RAPGEF2: variants seen among roughly 807,000 people sequenced by gnomAD.
RAPGEF2 encodes Rap guanine nucleotide exchange factor 2, also known as PDZ domain containing guanine nucleotide exchange factor (GEF) 1.
RAPGEF2 carries 54 observed loss-of-function variants against 186.7 expected under a neutral mutation model. The ratio of observed to expected loss-of-function variants is 0.29; its 90% CI spans 0.23 to 0.36. The LOEUF is 0.36. Ranked by LOEUF, RAPGEF2 falls within the 10% of genes least tolerant of loss-of-function variation. The pLI, the probability that RAPGEF2 is intolerant of heterozygous loss-of-function variation, is 1.00. For missense variants in RAPGEF2, 1,532 were observed against 2,045.0 expected (o/e 0.75, Z 4.84); for synonymous variants, 712 against 705.9 (o/e 1.01, Z -0.14).
rs1766822331 is a variant in RAPGEF2, at chr4:159,332,446, T to C, written c.1889-5T>C. ...ACGTGGTGTTTCTGTTTTCATTTAT[T>C]TTAGTATTTAAAGAACTTCTAACAA... On this transcript the variant is annotated splice_region_variant and splice_polypyrimidine_tract_variant and intron_variant, in intron 16 of 29. Transcript: ENST00000691494. The C allele has an allele frequency of 6.2e-7, 1 of 1,607,254 alleles. No homozygotes were observed. The highest frequency in any genetic ancestry group is 2.2e-5 in the East Asian group (1 of 44,820).
intron 1 of RAPGEF2, among the ~76,000 whole-genome samples, chr4:159,132,085 A>T (rs1447049249): frequency 6.6e-6 from 1 of 152,182 alleles, no homozygotes; most frequent in Non-Finnish European, 1.5e-5. Flanking sequence ...TCTTAGCTTG[A>T]GGGTGAACTT....
At chr4:159,316,260 A>G (rs964268552) in intron 9 of RAPGEF2, among the ~76,000 whole-genome samples, 2 of 152,158 alleles carry the variant, frequency 1.3e-5, no homozygotes, top group Non-Finnish European at 2.9e-5. Flanking sequence ...GATTATTATA[A>G]TATTGGAATA....
At chr4:159,295,767 G>A (rs771386957) in intron 7 of RAPGEF2, among the ~76,000 whole-genome samples, 94 of 150,022 alleles carry the variant, frequency 6.3e-4, no homozygotes, top group Non-Finnish European at 3.0e-4. Context: ...GCGCGCGCGC[G>A]CGCGCGCATG....
intron 7 of RAPGEF2, among the ~76,000 whole-genome samples, chr4:159,280,382 A>G (rs993850023): frequency 2.6e-5 from 4 of 152,196 alleles, no homozygotes; most frequent in Admixed American, 1.3e-4. Context: ...CCTAGCCACA[A>G]CGGAGCACCC....
At chr4:159,125,197 A>G (rs910616894) in intron 1 of RAPGEF2, among the ~76,000 whole-genome samples, 1 of 152,232 alleles carries the variant, frequency 6.6e-6, no homozygotes, top group Non-Finnish European at 1.5e-5. Flanking sequence ...GCTTTGCTCA[A>G]TAAATCTGCA....
intron 1 of RAPGEF2, among the ~76,000 whole-genome samples, chr4:159,104,549 AGAGAGTGTGTGTGTGTGT>A (rs1330966652): frequency 5.3e-5 from 7 of 132,040 alleles, no homozygotes; most frequent in Non-Finnish European, 1.1e-4. Context: ...AGAGAGAGAG[AGAGAGTGTGTGTGTGTGT>A]GTGTATGTGT....
intron 1 of RAPGEF2, among the ~76,000 whole-genome samples, chr4:159,118,297 T>G (rs1313231859): frequency 6.6e-6 from 1 of 152,236 alleles, no homozygotes; most frequent in Admixed American, 6.5e-5. Context: ...CTAGGTTGTG[T>G]ACTCCTCATG....
intron 7 of RAPGEF2, among the ~76,000 whole-genome samples, chr4:159,292,152 T>C (rs1395039777): frequency 6.6e-6 from 1 of 152,206 alleles, no homozygotes; most frequent in Non-Finnish European, 1.5e-5. Flanking sequence ...CTTCAGTGGC[T>C]TCCCATCTCA....
chr4:159,321,297 C>G (rs1376429586), intron 9 of RAPGEF2, among the ~76,000 whole-genome samples: 1 of 151,288 alleles, frequency 6.6e-6, no homozygotes, highest in East Asian at 1.9e-4. Flanking sequence ...ACCTCAAACT[C>G]TTGGGCTCAA....
chr4:159,296,097 T>C (rs1328120567), intron 7 of RAPGEF2, among the ~76,000 whole-genome samples: 1 of 152,166 alleles, frequency 6.6e-6, no homozygotes, highest in Admixed American at 6.5e-5. Flanking sequence ...TTACTGGATA[T>C]TACCATAAAC....
At chr4:159,281,041 G>A (rs954573968) in intron 7 of RAPGEF2, among the ~76,000 whole-genome samples, 2 of 150,106 alleles carry the variant, frequency 1.3e-5, no homozygotes, top group East Asian at 2.0e-4. Flanking sequence ...GCTAGAGTGC[G>A]GTGGCTCCAT....
At chr4:159,185,293 G>C (rs1013055702) in intron 1 of RAPGEF2, among the ~76,000 whole-genome samples, 2 of 152,152 alleles carry the variant, frequency 1.3e-5, no homozygotes, top group Non-Finnish European at 2.9e-5. Context: ...GAGTTACCAC[G>C]TGAACCAGCA....
At chr4:159,114,720 G>A (rs1293152137) in intron 1 of RAPGEF2, among the ~76,000 whole-genome samples, 5 of 152,196 alleles carry the variant, frequency 3.3e-5, no homozygotes, top group African/African-American at 1.2e-4. Flanking sequence ...TAGAAAAATT[G>A]TGGTAGTAGC....
At chr4:159,125,557 G>A (rs993941492) in intron 1 of RAPGEF2, among the ~76,000 whole-genome samples, 1 of 152,052 alleles carries the variant, frequency 6.6e-6, no homozygotes, top group Non-Finnish European at 1.5e-5. Context: ...AGGAGATTGA[G>A]ACCATCCTGG....
intron 4 of RAPGEF2, among the ~76,000 whole-genome samples, chr4:159,216,964 C>G (rs1451007670): frequency 6.6e-6 from 1 of 152,010 alleles, no homozygotes; most frequent in Non-Finnish European, 1.5e-5. Flanking sequence ...TTATGATTCT[C>G]GTGACAAACA....
intron 1 of RAPGEF2, among the ~76,000 whole-genome samples, chr4:159,169,968 T>A (rs1367164359): frequency 6.6e-6 from 1 of 152,148 alleles, no homozygotes; most frequent in Non-Finnish European, 1.5e-5. Context: ...TAGTCCTATT[T>A]TTAATTTTTT....
At chr4:159,213,666 A>G (rs1750736313) in intron 4 of RAPGEF2, among the ~76,000 whole-genome samples, 1 of 151,386 alleles carries the variant, frequency 6.6e-6, no homozygotes, top group Non-Finnish European at 1.5e-5. Context: ...TGTTTTTCTA[A>G]TTTTTTTTCT....
chr4:159,264,823 C>T (rs1372303694), intron 7 of RAPGEF2, among the ~76,000 whole-genome samples: 1 of 152,110 alleles, frequency 6.6e-6, no homozygotes, highest in Admixed American at 6.5e-5. Flanking sequence ...TATTTGACTA[C>T]TCTGGTATCT....
At chr4:159,357,672 C>CA (rs1406284269) in intron 29 of RAPGEF2, among the ~76,000 whole-genome samples, 1 of 151,852 alleles carries the variant, frequency 6.6e-6, no homozygotes, top group Non-Finnish European at 1.5e-5. Flanking sequence ...CACCCTGTCT[C>CA]AAAAAAGTTA....
Sources: gnomAD v4.1 joint callset for allele counts (sites outside exome capture counted in the v4.1 genomes callset) on GRCh38, gnomAD v4.1.1 for gene constraint, MANE v1.5 for transcripts, NCBI Gene and HGNC (gene_info 2026-07-23, HGNC 2026-07-21) for gene names.